The following STK3 variants were observed in gnomAD, a reference collection of about 807,000 sequenced individuals.
The protein encoded by STK3 is serine/threonine-protein kinase 3.
STK3 carries 41 observed loss-of-function variants against 58.0 expected under a neutral mutation model. The observed-to-expected ratio is 0.71, with a 90% confidence interval of 0.55 to 0.92. The LOEUF is 0.92. STK3 is among the 40% of genes least tolerant of loss of function. The pLI is 0.00. For synonymous variants in STK3, 170 were observed against 191.0 expected, an observed-to-expected ratio of 0.89 and a Z score of 0.91; for missense variants, 479 against 602.7, an observed-to-expected ratio of 0.79 and a Z score of 2.15.
chr8:98,515,868 T>G (rs532242554), intron 10 of STK3, among the ~76,000 whole-genome samples: 1 of 152,228 alleles, frequency 6.6e-6, no homozygotes, highest in Non-Finnish European at 1.5e-5. Context: ...TGTATACATG[T>G]GCCATGTTTA....
At chr8:98,434,882 A>G (rs1818430886) in intron 2 of STK3, among the ~76,000 whole-genome samples, 2 of 152,262 alleles carry the variant, frequency 1.3e-5, no homozygotes, top group South Asian at 4.1e-4. Flanking sequence ...AAAAGAGCAG[A>G]GAGCAAAAAG....
In STK3 at chr8:98,428,221, T is replaced by C. The variant is rs756745133; in HGVS notation, n.483+5906A>G. On this transcript the variant is annotated intron_variant and non_coding_transcript_variant, in intron 3 of 3. Transcript: ENST00000517832. The surrounding 1 kb of genome is among the most constrained non-coding windows in gnomAD (Gnocchi z 6.7). ...CGCAACCCTGAGCTCTTCCCCTACGTGCTGCATTTCTATCACACCGGCAAG... is the reference window on the plus strand; with the variant it reads ...CGCAACCCTGAGCTCTTCCCCTACGCGCTGCATTTCTATCACACCGGCAAG... 6.2e-7 allele frequency: 1 copy of C among 1,614,102 alleles called. No individual in the cohort carries two copies. Among genetic ancestry groups the C allele is most frequent in the Non-Finnish European group, 8.5e-7 (1 of 1,180,016 alleles).
intron 3 of STK3, among the ~76,000 whole-genome samples, chr8:98,761,821 T>TA (rs1380351745): frequency 4.6e-5 from 7 of 152,102 alleles, no homozygotes; most frequent in African/African-American, 1.2e-4. Flanking sequence ...AACTTTTGAT[T>TA]TTTTATTTAT....
intron 10 of STK3, among the ~76,000 whole-genome samples, chr8:98,519,100 T>C (rs1370071995): frequency 1.3e-5 from 2 of 152,136 alleles, no homozygotes; most frequent in Non-Finnish European, 2.9e-5. Context: ...GATGACAATA[T>C]GCTTAAATAC....
chr8:98,703,517 G>A (rs1825758322), intron 6 of STK3, among the ~76,000 whole-genome samples: 2 of 152,056 alleles, frequency 1.3e-5, no homozygotes, highest in African/African-American at 4.8e-5. Context: ...CTGAGATTCT[G>A]ATTTAATCTG....
intron 1 of STK3, among the ~76,000 whole-genome samples, chr8:98,896,650 C>T (rs1440840824): frequency 2.0e-5 from 3 of 152,224 alleles, no homozygotes; most frequent in Non-Finnish European, 2.9e-5. Context: ...TTCAAACATA[C>T]ACACTCAAGT....
At chr8:98,448,246 T>A (rs1252252333) in intron 1 of STK3, among the ~76,000 whole-genome samples, 1 of 152,192 alleles carries the variant, frequency 6.6e-6, no homozygotes, top group Non-Finnish European at 1.5e-5. Flanking sequence ...GGTCGTCAGC[T>A]GGTGTGCTTT....
intron 4 of STK3, chr8:98,720,984 C>T (rs889498424): frequency 5.1e-6 from 3 of 587,434 alleles, no homozygotes; most frequent in Non-Finnish European, 6.4e-6. Flanking sequence ...TGCCCCAGCT[C>T]AGCATTCAAA....
At chr8:98,766,846 G>A (rs1830979992) in intron 3 of STK3, among the ~76,000 whole-genome samples, 1 of 152,226 alleles carries the variant, frequency 6.6e-6, no homozygotes, top group Non-Finnish European at 1.5e-5. Context: ...AACTAGGCCA[G>A]GCATGGTAGC....
chr8:98,751,871 C>T (rs1229916006), intron 3 of STK3, among the ~76,000 whole-genome samples: 6 of 151,886 alleles, frequency 4.0e-5, no homozygotes, highest in African/African-American at 9.7e-5. Flanking sequence ...ACTCAGGAGG[C>T]GGAGGTTGCA....
At chr8:98,849,999 A>G (rs935216598) in intron 3 of STK3, among the ~76,000 whole-genome samples, 3 of 151,974 alleles carry the variant, frequency 2.0e-5, no homozygotes, top group Non-Finnish European at 4.4e-5. Flanking sequence ...CAATCTCATA[A>G]TTTTCATTTT....
At chr8:98,751,872 G>T (rs967602713) in intron 3 of STK3, among the ~76,000 whole-genome samples, 1 of 151,948 alleles carries the variant, frequency 6.6e-6, no homozygotes, top group Non-Finnish European at 1.5e-5. Context: ...CTCAGGAGGC[G>T]GAGGTTGCAG....
intron 6 of STK3, among the ~76,000 whole-genome samples, chr8:98,625,723 T>G (rs915607493): frequency 6.6e-6 from 1 of 152,154 alleles, no homozygotes; most frequent in Admixed American, 6.5e-5. Flanking sequence ...AGGGGATAAT[T>G]TGGGGCAAGG....
chr8:98,791,303 G>A (rs1379607013), intron 1 of STK3, among the ~76,000 whole-genome samples: 3 of 152,146 alleles, frequency 2.0e-5, no homozygotes, highest in Admixed American at 6.5e-5. Flanking sequence ...ACAAAACACT[G>A]CTGAAAGAAA....
chr8:98,730,478 G>A (rs148618819), intron 4 of STK3, among the ~76,000 whole-genome samples: 5,497 of 152,202 alleles, frequency 0.036, 116 homozygotes, highest in South Asian at 0.061. Flanking sequence ...AGCACTTTGC[G>A]AGGCCGAGGT....
At chr8:98,347,038 C>T in the STK3 span, among the ~76,000 whole-genome samples, 1 of 151,368 alleles carries the variant, frequency 6.6e-6, no homozygotes, top group African/African-American at 2.4e-5. Context: ...CCACAAAGCC[C>T]ATAAAAGGAG....
At chr8:98,924,720 CA>C (rs1466786007) in intron 1 of STK3, among the ~76,000 whole-genome samples, 4 of 152,348 alleles carry the variant, frequency 2.6e-5, no homozygotes, top group Middle Eastern at 3.4e-3. Context: ...ACCTGAGGCA[CA>C]GTTTAATTTA....
At chr8:98,658,929 T>C (rs1821755494) in intron 6 of STK3, among the ~76,000 whole-genome samples, 1 of 152,080 alleles carries the variant, frequency 6.6e-6, no homozygotes. Flanking sequence ...CAACATGCGC[T>C]GCATTAACAA....
intron 6 of STK3, among the ~76,000 whole-genome samples, chr8:98,664,607 C>T (rs546717261): frequency 2.6e-5 from 4 of 152,218 alleles, no homozygotes; most frequent in South Asian, 2.1e-4. Context: ...ATATATAAAA[C>T]GACATCTTAT....
Sources: gnomAD v4.1 joint callset for allele counts (sites outside exome capture counted in the v4.1 genomes callset) on GRCh38, gnomAD v4.1.1 for gene constraint, Gnocchi (gnomAD v3.1) non-coding constraint, MANE v1.5 for transcripts, NCBI Gene and HGNC (gene_info 2026-07-23, HGNC 2026-07-21) for gene names.